Variants in NUDT13 observed in about 807,000 individuals in gnomAD.
NUDT13 encodes nudix hydrolase 13.
Under a neutral mutation model 41.7 loss-of-function variants are expected in NUDT13, and 40 were observed. The observed-to-expected ratio is 0.96, with a 90% CI of 0.75 to 1.25. NUDT13 has a LOEUF of 1.25. NUDT13 is among the 50% of genes most tolerant of loss of function. The pLI is 0.00. For missense variants in NUDT13, 390 were observed against 416.1 expected, an observed-to-expected ratio of 0.94 and a Z score of 0.55; for synonymous variants, 145 against 155.5, an observed-to-expected ratio of 0.93 and a Z score of 0.50.
chr10:73,120,158 G>GTACC lies in NUDT13; in HGVS notation c.223+3_223+4insCCTA, dbSNP rs776508837. The GTACC allele has an allele frequency of 4.3e-6, 7 of 1,614,128 alleles. No individual in the cohort carries two copies. In the East Asian group the frequency reaches 1.6e-4, roughly 36 times the overall value. On this transcript the variant is annotated splice_donor_variant, in intron 3 of 8. Transcript: ENST00000357321. LOFTEE classifies it high-confidence loss of function. The stretch of plus-strand genomic sequence containing the variant: ...CTGGCCCCCCGGCACAGCCTGTTAG[G>GTACC]TAAGTCCAGAGTGGACCAGTGGCGT...
Position 73,124,328 on chromosome 10 carries a change from C to G in NUDT13, c.465+8C>G, listed in dbSNP as rs774957050. 4 of 1,585,532 alleles carry G rather than the reference C, an allele frequency of 2.5e-6. No individual in the cohort carries two copies. Among genetic ancestry groups the G allele is most frequent in the Non-Finnish European group, 3.5e-6 (4 of 1,155,400 alleles). On this transcript the variant is annotated splice_region_variant and intron_variant, in intron 5 of 8. Transcript: ENST00000357321. ...GCCTCCTTGCTGTCCACGGTAGATT[C>G]TGATTTCTCATTCTGTAGGAAATTT...
intron 4 of NUDT13, 115 bp downstream of exon 4, chr10:73,122,424 A>AT: frequency 9.7e-7 from 1 of 1,031,690 alleles, no homozygotes; most frequent in South Asian, 1.6e-5. Context: ...TCAACTTTCT[A>AT]TTTTTTAAAA....
At chr10:73,124,986 C>A in intron 5 of NUDT13, 132 bp from the exon 6 acceptor site, 1 of 991,006 alleles carries the variant, frequency 1.0e-6, no homozygotes, top group Non-Finnish European at 1.4e-6. Context: ...TAAACAGTAA[C>A]CATTTAAATT....
At chr10:73,112,824 CT>C (rs981836324) in intron 1 of NUDT13, among the ~76,000 whole-genome samples, 1 of 151,748 alleles carries the variant, frequency 6.6e-6, no homozygotes, top group Non-Finnish European at 1.5e-5. Context: ...ATAATGTGTT[CT>C]AAGTCTCTCT....
In NUDT13 at chr10:73,130,775, A is replaced by C; in HGVS notation, c.931A>C (p.Arg311=). ...SHDEVATALK[R]KGPYTQQQNG... ...TGATGAGGTAGCCACAGCCCTGAAG[A>C]GAAAGGGCCCCTATACTCAGCAACA... The change falls in exon 9 of 9, where the codon AGA becomes CGA. Residue 311 remains arginine (R), a synonymous_variant. Coordinates refer to ENST00000357321, the MANE Select transcript of NUDT13 (RefSeq NM_015901.6). 1 of 1,613,936 alleles carries C rather than the reference A, an allele frequency of 6.2e-7. No individual in the cohort carries two copies. The highest frequency in any genetic ancestry group is 1.1e-5 in the South Asian group (1 of 91,074).
Position 73,120,136 on chromosome 10 carries a change from GC to G in NUDT13, c.208del (p.Arg70GlyfsTer5), listed in dbSNP as rs746855985. 6.7e-5 allele frequency: 108 copies of G among 1,613,944 alleles called. No homozygotes were observed. The highest frequency in any genetic ancestry group is 8.8e-5 in the Non-Finnish European group (104 of 1,179,996). On this transcript the variant is annotated frameshift_variant, in exon 3 of 9. Coordinates refer to ENST00000357321, the MANE Select transcript of NUDT13 (RefSeq NM_015901.6). LOFTEE classifies it high-confidence loss of function. ...TCAGACTTCAGCACATCAATACCTG[GC>G]CCCCCGGCACAGCCTGTTAGGTAAG... ...LLQTSAHQYL[A>X]PRHSLLELER...
Position 73,130,821 on chromosome 10 carries a change from G to T in NUDT13, c.977G>T (p.Trp326Leu), listed in dbSNP as rs751998147. 1 of 1,612,242 alleles carries T rather than the reference G, an allele frequency of 6.2e-7. No homozygotes were observed. Among genetic ancestry groups the T allele is most frequent in the Admixed American group, 1.7e-5 (1 of 59,968 alleles). ...CAACAGAATGGGACTTTCCCATTCTGGCTGCCCCCTAAGTTAGCCATCTCC... is the reference window on the plus strand; with the variant it reads ...CAACAGAATGGGACTTTCCCATTCTTGCTGCCCCCTAAGTTAGCCATCTCC... ...TQQQNGTFPF[W>L]LPPKLAISHQ... The change falls in exon 9 of 9, where the codon TGG (tryptophan) becomes TTG (leucine). Residue 326 changes from tryptophan (W) to leucine (L), a missense_variant. Transcript: ENST00000357321.
At chr10:73,127,776 A>G (rs973299157) in intron 8 of NUDT13, among the ~76,000 whole-genome samples, 13 of 144,926 alleles carry the variant, frequency 9.0e-5, no homozygotes, top group Non-Finnish European at 1.6e-4. Flanking sequence ...ACTTGATGTG[A>G]GATCTATTCT....
At chr10:73,125,651 T>A (rs1054831699) in intron 7 of NUDT13, 142 bp downstream of exon 7, 10 of 196,502 alleles carry the variant, frequency 5.1e-5, no homozygotes, top group South Asian at 1.0e-4. Flanking sequence ...TTCTGGCATT[T>A]TATATATATA....
intron 1 of NUDT13, among the ~76,000 whole-genome samples, chr10:73,111,230 G>A (rs1405346836): frequency 6.6e-6 from 1 of 151,968 alleles, no homozygotes; most frequent in Non-Finnish European, 1.5e-5. Context: ...CGCCCACCTC[G>A]GCCTCCCAAA....
intron 8 of NUDT13, 110 bp from the exon 9 acceptor site, chr10:73,130,593 A>G (rs1842896647): frequency 1.1e-6 from 1 of 872,048 alleles, no homozygotes; most frequent in African/African-American, 1.7e-5. Context: ...GATCCCAGGT[A>G]TTATCTTCTA....
At chr10:73,116,002 TTTTTTTTTC>T (rs1353692324) in intron 2 of NUDT13, among the ~76,000 whole-genome samples, 2 of 108,938 alleles carry the variant, frequency 1.8e-5, no homozygotes, top group East Asian at 4.0e-4. Flanking sequence ...TAAGAAATAA[TTTTTTTTTC>T]TTTTTTTTCT....
In NUDT13 at chr10:73,130,754, G is replaced by T; in HGVS notation, c.910G>T (p.Glu304Ter). The change falls in exon 9 of 9, where the codon GAG (glutamate) becomes TAG (stop). Residue 304 changes from glutamate to a stop codon, truncating the protein, a stop_gained. Coordinates refer to ENST00000357321, the MANE Select transcript of NUDT13 (RefSeq NM_015901.6). LOFTEE classifies it high-confidence loss of function. The stretch of plus-strand genomic sequence containing the variant: ...GACAGCTGCCTGGTTCAGTCATGAT[G>T]AGGTAGCCACAGCCCTGAAGAGAAA... ...LETAAWFSHDEVATALKRKGP... is the reference protein window; with the variant it reads ...LETAAWFSHD The T allele has an allele frequency of 6.2e-7, 1 of 1,613,934 alleles. No homozygotes were observed. The highest frequency in any genetic ancestry group is 2.2e-5 in the East Asian group (1 of 44,878).
intron 8 of NUDT13, chr10:73,130,084 T>C (rs1335448183): frequency 6.6e-6 from 1 of 152,038 alleles, no homozygotes; most frequent in African/African-American, 2.4e-5. Flanking sequence ...TTATTCTCAA[T>C]GTTAACCACT....
chr10:73,125,447 T>C lies in NUDT13; in HGVS notation c.641T>C (p.Leu214Pro), dbSNP rs575914615. Reference protein sequence around the residue: ...TLVSDGTRCLLARQSSFPKGM... With the variant: ...TLVSDGTRCLPARQSSFPKGM... ...GTGTCAGATGGGACCCGATGCCTGCTTGCCCGCCAAAGCTCCTTTCCCAAG... is the reference window on the plus strand; with the variant it reads ...GTGTCAGATGGGACCCGATGCCTGCCTGCCCGCCAAAGCTCCTTTCCCAAG... Residue 214 changes from leucine to proline, a missense_variant, in exon 7 of 9, where the codon CTT becomes CCT. Leu to Pro is a moderately conservative substitution (Grantham distance 98). Transcript: ENST00000357321. The C allele has an allele frequency of 7.5e-5, 121 of 1,613,160 alleles. No homozygotes were observed. The Admixed American group carries it at 1.8e-3, about 24-fold the overall frequency.
chr10:73,124,504 GT>G lies in NUDT13; in HGVS notation c.465+189del, dbSNP rs1182825150. 3.5e-5 allele frequency: 19 copies of G among 544,908 alleles called. No individual in the cohort carries two copies. The East Asian group carries it at 5.0e-4, about 14-fold the overall frequency. The allele number at this position is 544,908 out of a possible 1,614,324, so 33.8% of individuals were successfully genotyped here. A position where few individuals can be genotyped will look rare whatever the true frequency, so the allele number is the denominator to read the frequency against. On this transcript the variant is annotated intron_variant, in intron 5 of 8. Coordinates refer to ENST00000357321, the MANE Select transcript of NUDT13 (RefSeq NM_015901.6). The stretch of plus-strand genomic sequence containing the variant: ...GCTTATTCTTCCTTCTTCTGCCCTT[GT>G]TTTTGGCAGAACCACTGTCAAGATC...
intron 8 of NUDT13, among the ~76,000 whole-genome samples, chr10:73,127,693 C>T (rs139514276): frequency 0.018 from 2,747 of 150,434 alleles, 65 homozygotes; most frequent in Non-Finnish European, 0.021. Context: ...TCATCACTTA[C>T]AAAAGTTTCC....
intron 1 of NUDT13, among the ~76,000 whole-genome samples, chr10:73,112,558 TG>T (rs1842394461): frequency 6.6e-6 from 1 of 151,922 alleles, no homozygotes. Flanking sequence ...TAGTTTACAA[TG>T]TGATGTTTTG....
intron 4 of NUDT13, among the ~76,000 whole-genome samples, chr10:73,123,120 G>A (rs975948341): frequency 6.6e-6 from 1 of 150,530 alleles, no homozygotes; most frequent in Non-Finnish European, 1.5e-5. Flanking sequence ...GGCTGGTCTC[G>A]AACTCCTGAC....
Sources: allele counts gnomAD v4.1 joint callset (sites outside exome capture counted in the v4.1 genomes callset), GRCh38; gene constraint gnomAD v4.1.1; transcripts MANE v1.5; gene names NCBI Gene and HGNC (gene_info 2026-07-23, HGNC 2026-07-21).